Variants in KCNMA1 observed in about 807,000 individuals in gnomAD.
The protein encoded by KCNMA1 is Calcium-activated potassium channel subunit alpha-1.
A neutral mutation model predicts 140.0 loss-of-function variants in KCNMA1; 29 were observed. The ratio of observed to expected loss-of-function variants is 0.21; its 90% CI spans 0.15 to 0.28. KCNMA1 has a LOEUF of 0.28. KCNMA1 is among the 10% of genes least tolerant of loss of function. The probability of loss-of-function intolerance (pLI) is 1.00; values close to 1 mark genes in which losing one functional copy is unlikely to be tolerated. For synonymous variants in KCNMA1, 612 were observed against 611.9 expected, an observed-to-expected ratio of 1.00 and a Z score of 0.00; for missense variants, 880 against 1,602.2, an observed-to-expected ratio of 0.55 and a Z score of 7.70.
At chr10:77,565,375 T>TTGCTATCCAAAC (rs1173518243) in intron 1 of KCNMA1, among the ~76,000 whole-genome samples, 18 of 151,916 alleles carry the variant, frequency 1.2e-4, no homozygotes, top group Non-Finnish European at 2.2e-4. Flanking sequence ...TTTTCCCAAA[T>TTGCTATCCAAAC]TGCTATCTTT....
At chr10:77,030,780 A>T (rs1310387503) in intron 15 of KCNMA1, among the ~76,000 whole-genome samples, 1 of 152,170 alleles carries the variant, frequency 6.6e-6, no homozygotes, top group African/African-American at 2.4e-5. Context: ...GGACCCGCAG[A>T]TCTGAGTCCT....
intron 5 of KCNMA1, among the ~76,000 whole-genome samples, chr10:77,154,457 CCTGATTCCAATT>C (rs920142601): frequency 3.9e-5 from 6 of 152,094 alleles, no homozygotes; most frequent in African/African-American, 7.2e-5. Context: ...CACCCCTAGC[CCTGATTCCAATT>C]CTTCATTACT....
At chr10:77,058,407 T>C (rs2153659054) in intron 14 of KCNMA1, among the ~76,000 whole-genome samples, 1 of 152,222 alleles carries the variant, frequency 6.6e-6, no homozygotes, top group Admixed American at 6.5e-5. Flanking sequence ...ATTAGCCGAC[T>C]AGTAATAATT....
intron 2 of KCNMA1, among the ~76,000 whole-genome samples, chr10:77,359,656 A>G (rs544139662): frequency 1.6e-4 from 25 of 152,210 alleles, no homozygotes; most frequent in Non-Finnish European, 3.2e-4. Flanking sequence ...TGAACCACTC[A>G]TTCAGGGAAG....
At chr10:77,322,836 T>C (rs2154356500) in intron 2 of KCNMA1, among the ~76,000 whole-genome samples, 1 of 152,266 alleles carries the variant, frequency 6.6e-6, no homozygotes, top group East Asian at 1.9e-4. Flanking sequence ...TATTGACATA[T>C]TAGCAAGCAT....
chr10:76,934,450 A>G (rs551391908), intron 23 of KCNMA1, among the ~76,000 whole-genome samples: 3 of 152,366 alleles, frequency 2.0e-5, no homozygotes, highest in Non-Finnish European at 4.4e-5. Flanking sequence ...CATGTGTGCT[A>G]TCTTCACAGC....
intron 1 of KCNMA1, among the ~76,000 whole-genome samples, chr10:77,439,095 G>T (rs565579127): frequency 8.9e-6 from 1 of 112,686 alleles, no homozygotes; most frequent in Non-Finnish European, 1.9e-5. Context: ...GAAAAGAGAA[G>T]AGAAGAGAAG....
chr10:77,330,410 G>A (rs1051701942), intron 2 of KCNMA1, among the ~76,000 whole-genome samples: 1 of 152,058 alleles, frequency 6.6e-6, no homozygotes, highest in African/African-American at 2.4e-5. Context: ...GATCACCAAG[G>A]TTAGTATCTC....
rs10594438 is a variant in KCNMA1, at chr10:77,186,777, ATGTGTGTGTGTGTGTGTG to A, written c.603-1879_603-1862del. ...TGCAGGATACGTTACTAAAGAGTAAATGTGTGTGTGTGTGTGTGTGTGTGTGTGTGTGTGTGTGTGTCA... is the reference window on the plus strand; with the variant it reads ...TGCAGGATACGTTACTAAAGAGTAAATGTGTGTGTGTGTGTGTGTGTGTCA... On this transcript the variant is annotated intron_variant, in intron 3 of 27. Transcript: ENST00000286628. Among the ~76,000 whole-genome samples the A allele has an allele frequency of 8.3e-5, 12 of 145,212 alleles. 1 individual carries two copies. Among genetic ancestry groups the A allele is most frequent in the African/African-American group, 7.6e-5 (3 of 39,232 alleles).
intron 19 of KCNMA1, among the ~76,000 whole-genome samples, chr10:76,976,191 A>T (rs527598279): frequency 6.6e-6 from 1 of 152,310 alleles, no homozygotes; most frequent in East Asian, 1.9e-4. Context: ...AGGCATAGGG[A>T]GTGCCCACCC....
chr10:77,087,648 G>A (rs977417616), intron 10 of KCNMA1, among the ~76,000 whole-genome samples: 4 of 152,112 alleles, frequency 2.6e-5, no homozygotes, highest in African/African-American at 9.7e-5. Context: ...ACATTTCTTG[G>A]TGCTGATCTG....
intron 1 of KCNMA1, among the ~76,000 whole-genome samples, chr10:77,524,560 A>G (rs2054839370): frequency 6.6e-6 from 1 of 152,184 alleles, no homozygotes; most frequent in African/African-American, 2.4e-5. Flanking sequence ...CCGCAGCCTG[A>G]ATTTAGAAAC....
intron 17 of KCNMA1, among the ~76,000 whole-genome samples, chr10:77,017,993 G>A (rs560403118): frequency 4.6e-5 from 7 of 152,168 alleles, no homozygotes; most frequent in Non-Finnish European, 5.9e-5. Context: ...GAAAGAGAGT[G>A]GATTTTAGAA....
At position 76,977,770 on chromosome 10, in the gene KCNMA1, C is replaced by A. The variant is rs1264090370; in HGVS notation, c.2267-7703G>T. The A allele has an allele frequency of 6.5e-6, 4 of 619,326 alleles. No homozygotes were observed. In the African/African-American group the frequency reaches 7.3e-5, roughly 11 times the overall value. 38.4% of individuals were successfully genotyped at this position (619,326 alleles called of 1,614,324 possible). On this transcript the variant is annotated intron_variant, in intron 19 of 27. Transcript: ENST00000286628. ...CCTACCACCCAACCTGCTATTAGCC[C>A]TGCTGGTCCGCTCGTGTTTGAGGTC...
At chr10:77,564,948 A>G (rs1221334312) in intron 1 of KCNMA1, among the ~76,000 whole-genome samples, 1 of 152,236 alleles carries the variant, frequency 6.6e-6, no homozygotes, top group African/African-American at 2.4e-5. Flanking sequence ...GGGCAGCTGC[A>G]TGCAGGATAT....
At chr10:77,542,274 A>G (rs2060360302) in intron 1 of KCNMA1, among the ~76,000 whole-genome samples, 3 of 152,202 alleles carry the variant, frequency 2.0e-5, no homozygotes, top group Non-Finnish European at 4.4e-5. Flanking sequence ...ATCAACCCAA[A>G]TGGACCAAGA....
intron 25 of KCNMA1, among the ~76,000 whole-genome samples, chr10:76,898,511 T>C (rs1237159916): frequency 2.7e-5 from 4 of 149,470 alleles, no homozygotes; most frequent in Non-Finnish European, 6.0e-5. Flanking sequence ...TAACAACGAT[T>C]ACAAAAAAAA....
chr10:77,527,769 G>A (rs567716376), intron 1 of KCNMA1, among the ~76,000 whole-genome samples: 1 of 152,298 alleles, frequency 6.6e-6, no homozygotes, highest in East Asian at 1.9e-4. Context: ...AGTGCAGAGG[G>A]GAGGCAAGGC....
At chr10:77,253,124 C>G (rs1279949480) in intron 2 of KCNMA1, among the ~76,000 whole-genome samples, 1 of 152,212 alleles carries the variant, frequency 6.6e-6, no homozygotes, top group African/African-American at 2.4e-5. Context: ...TAATTTTGAT[C>G]TGTGCTGCTA....
Sources: allele counts gnomAD v4.1 joint callset (sites outside exome capture counted in the v4.1 genomes callset), GRCh38; gene constraint gnomAD v4.1.1; transcripts MANE v1.5; gene names NCBI Gene and HGNC (gene_info 2026-07-23, HGNC 2026-07-21).